EHBP1: variants seen among roughly 807,000 people sequenced by gnomAD.
EHBP1 encodes the protein EH domain-binding protein 1.
In EHBP1, 55 loss-of-function variants were observed where a neutral mutation model predicts 144.0. The ratio of observed to expected loss-of-function variants is 0.38; its 90% confidence interval spans 0.31 to 0.48. The LOEUF (loss-of-function observed/expected upper bound fraction) is 0.48. Among genes scored for constraint, EHBP1 ranks in the 20% least tolerant of loss-of-function variants. The pLI, the probability that EHBP1 is intolerant of heterozygous loss-of-function variation, is 0.98. For missense variants in EHBP1, 1,200 were observed against 1,364.2 expected (o/e 0.88, Z 1.90); for synonymous variants, 469 against 472.7 (o/e 0.99, Z 0.10).
intron 10 of EHBP1, among the ~76,000 whole-genome samples, chr2:62,900,686 A>G (rs572884369): frequency 1.2e-3 from 174 of 146,902 alleles, no homozygotes; most frequent in Middle Eastern, 3.5e-3. Flanking sequence ...GTGTATGTGT[A>G]TATATATATA....
chr2:63,031,653 G>A (rs1475569592), intron 19 of EHBP1, among the ~76,000 whole-genome samples: 1 of 152,150 alleles, frequency 6.6e-6, no homozygotes, highest in Non-Finnish European at 1.5e-5. Context: ...TATTGGCTGG[G>A]CACAGTGTCT....
At chr2:62,918,620 T>C (rs1173095345) in intron 10 of EHBP1, among the ~76,000 whole-genome samples, 1 of 152,210 alleles carries the variant, frequency 6.6e-6, no homozygotes, top group Admixed American at 6.5e-5. Context: ...TGCTTTAGTT[T>C]AGGGTCTTGA....
intron 14 of EHBP1, among the ~76,000 whole-genome samples, chr2:62,961,326 A>G (rs1278213233): frequency 5.9e-5 from 9 of 152,198 alleles, no homozygotes; most frequent in Non-Finnish European, 1.0e-4. Flanking sequence ...AGTCATTTAT[A>G]TGCTTCATTC....
intron 10 of EHBP1, among the ~76,000 whole-genome samples, chr2:62,897,519 T>C (rs2053037063): frequency 6.6e-6 from 1 of 152,214 alleles, no homozygotes; most frequent in South Asian, 2.1e-4. Flanking sequence ...CCAAAGGGGT[T>C]GTACCATTTG....
At chr2:62,876,892 C>G (rs1164873258) in intron 10 of EHBP1, among the ~76,000 whole-genome samples, 1 of 152,192 alleles carries the variant, frequency 6.6e-6, no homozygotes, top group East Asian at 1.9e-4. Flanking sequence ...GGTGGAGATA[C>G]AGAGACAAAC....
chr2:62,676,720 T>A (rs1044013145), intron 1 of EHBP1, among the ~76,000 whole-genome samples: 2 of 152,038 alleles, frequency 1.3e-5, no homozygotes, highest in African/African-American at 2.4e-5. Flanking sequence ...TTTTTTTTTT[T>A]AAAGGGCCTT....
chr2:62,785,625 T>C (rs2042750988), intron 5 of EHBP1, among the ~76,000 whole-genome samples: 1 of 152,114 alleles, frequency 6.6e-6, no homozygotes, highest in South Asian at 2.1e-4. Flanking sequence ...GTTGGATATA[T>C]CAGTGATTTT....
chr2:62,814,479 C>CAAA (rs1232495700), intron 5 of EHBP1, among the ~76,000 whole-genome samples: 1 of 152,266 alleles, frequency 6.6e-6, no homozygotes, highest in Non-Finnish European at 1.5e-5. Flanking sequence ...CAGCATTAAT[C>CAAA]TACTCACATA....
chr2:63,040,561 T>C (rs1048824809), intron 21 of EHBP1, among the ~76,000 whole-genome samples: 3 of 152,154 alleles, frequency 2.0e-5, no homozygotes, highest in Non-Finnish European at 2.9e-5. Flanking sequence ...GGGAAAAATA[T>C]TTTTCTTTTT....
At chr2:62,832,787 C>T (rs1423720577) in intron 7 of EHBP1, among the ~76,000 whole-genome samples, 1 of 152,142 alleles carries the variant, frequency 6.6e-6, no homozygotes, top group Non-Finnish European at 1.5e-5. Context: ...CCTCCTCGTT[C>T]CCTGGGACAT....
chr2:62,949,047 G>C lies in EHBP1; in HGVS notation c.2201G>C (p.Ser734Thr). Residue 734 changes from serine (S) to threonine (T), a missense_variant, in exon 13 of 23, where the codon AGT (serine) becomes ACT (threonine). Coordinates refer to ENST00000431489, the MANE Select transcript of EHBP1 (RefSeq NM_001142616.3). ...SPTSKLGYSY[S>T]RDLDLAKKKH... Reference sequence around the variant, plus strand: ...ACTTCTAAACTTGGATACTCATATAGTAGAGATCTAGACCTTGCTAAGAAA... The same window carrying C: ...ACTTCTAAACTTGGATACTCATATACTAGAGATCTAGACCTTGCTAAGAAA... 4 of 1,613,526 alleles carry C rather than the reference G, an allele frequency of 2.5e-6. No homozygotes were observed. Among genetic ancestry groups the C allele is most frequent in the Non-Finnish European group, 3.4e-6 (4 of 1,179,866 alleles).
At chr2:62,701,894 C>T (rs2151763847), upstream of EHBP1, among the ~76,000 whole-genome samples, 1 of 152,124 alleles carries the variant, frequency 6.6e-6, no homozygotes, top group East Asian at 1.9e-4. Context: ...CAAAAACCTA[C>T]AGTGTTATTA....
At chr2:63,011,680 A>G (rs1243579852) in intron 19 of EHBP1, among the ~76,000 whole-genome samples, 1 of 151,998 alleles carries the variant, frequency 6.6e-6, no homozygotes, top group East Asian at 1.9e-4. Flanking sequence ...GACATTCCCT[A>G]TTTTGCATAT....
At chr2:62,734,740 C>A (rs1361630351) in intron 2 of EHBP1, among the ~76,000 whole-genome samples, 3 of 151,912 alleles carry the variant, frequency 2.0e-5, no homozygotes, top group Admixed American at 6.6e-5. Context: ...CTTTTTCTGT[C>A]TTTTGTGTAT....
At chr2:62,940,473 A>G (rs1435348105) in intron 10 of EHBP1, among the ~76,000 whole-genome samples, 1 of 152,188 alleles carries the variant, frequency 6.6e-6, no homozygotes, top group African/African-American at 2.4e-5. Flanking sequence ...CACTTTACAG[A>G]TGAGGAAACT....
At chr2:62,811,904 G>A (rs2152535306) in intron 5 of EHBP1, among the ~76,000 whole-genome samples, 1 of 152,292 alleles carries the variant, frequency 6.6e-6, no homozygotes, top group Non-Finnish European at 1.5e-5. Context: ...TGGTTTGAAT[G>A]TATCCCCCAA....
intron 7 of EHBP1, among the ~76,000 whole-genome samples, chr2:62,851,331 ATT>A (rs2048680912): frequency 6.6e-6 from 1 of 152,092 alleles, no homozygotes; most frequent in Admixed American, 6.5e-5. Flanking sequence ...TTAAACTCCA[ATT>A]TGCAGTTCTT....
At chr2:62,817,784 A>C (rs2045556225) in intron 5 of EHBP1, among the ~76,000 whole-genome samples, 2 of 150,196 alleles carry the variant, frequency 1.3e-5, no homozygotes, top group Admixed American at 1.3e-4. Context: ...AGGGGTGGTA[A>C]ATTGAAAAAA....
intron 2 of EHBP1, among the ~76,000 whole-genome samples, chr2:62,729,146 A>G (rs1434369147): frequency 6.7e-6 from 1 of 149,054 alleles, no homozygotes; most frequent in Non-Finnish European, 1.5e-5. Context: ...TTCACTTAAT[A>G]TATTCTGGAA....
Sources: gnomAD v4.1 joint callset for allele counts (sites outside exome capture counted in the v4.1 genomes callset) on GRCh38, gnomAD v4.1.1 for gene constraint, MANE v1.5 for transcripts, NCBI Gene and HGNC (gene_info 2026-07-23, HGNC 2026-07-21) for gene names.